NXPE2: variants seen among roughly 807,000 people sequenced by gnomAD.
NXPE2 encodes the protein NXPE family member 2.
In NXPE2, 34 loss-of-function variants were observed where a neutral mutation model predicts 34.4. The ratio of observed to expected loss-of-function variants is 0.99; its 90% CI spans 0.75 to 1.31. The LOEUF is 1.31. Among genes scored for constraint, NXPE2 ranks in the 40% most tolerant of loss-of-function variants. The pLI, the probability that NXPE2 is intolerant of heterozygous loss-of-function variation, is 0.00. For synonymous variants in NXPE2, 235 were observed against 231.3 expected (o/e 1.02, Z -0.15); for missense variants, 649 against 672.5 (o/e 0.97, Z 0.39).
At chr11:114,690,798 A>T (rs1951135338) in intron 2 of NXPE2, among the ~76,000 whole-genome samples, 1 of 151,850 alleles carries the variant, frequency 6.6e-6, no homozygotes, top group Non-Finnish European at 1.5e-5. Flanking sequence ...AATTATTTTT[A>T]TTTTTGTCTG....
chr11:114,674,090 A>AAAACAAAC (rs72440964), upstream of NXPE2, among the ~76,000 whole-genome samples: 90 of 131,886 alleles, frequency 6.8e-4, no homozygotes, highest in South Asian at 1.9e-3. Context: ...ACATTGTTTA[A>AAAACAAAC]AAACAAACAA....
the NXPE2 span, among the ~76,000 whole-genome samples, chr11:114,800,747 T>G: frequency 6.6e-6 from 1 of 152,218 alleles, no homozygotes; most frequent in Admixed American, 6.5e-5. Flanking sequence ...TTGTGTAATC[T>G]CTCTTGGTCT....
chr11:114,469,133 G>A, the NXPE2 span, among the ~76,000 whole-genome samples: 2 of 12,182 alleles, frequency 1.6e-4, no homozygotes, highest in African/African-American at 4.5e-4. Context: ...TTTTTTTTTT[G>A]AGCTGGAGTC....
At chr11:114,702,148 A>G (rs1388961805) in intron 3 of NXPE2, among the ~76,000 whole-genome samples, 1 of 152,238 alleles carries the variant, frequency 6.6e-6, no homozygotes, top group East Asian at 1.9e-4. Context: ...ATGAGGAGTT[A>G]CCATAGGAGA....
At chr11:114,712,930 G>A in the NXPE2 span, among the ~76,000 whole-genome samples, 1 of 152,174 alleles carries the variant, frequency 6.6e-6, no homozygotes, top group South Asian at 2.1e-4. Flanking sequence ...TACATACAGT[G>A]AAAAACCATG....
chr11:114,640,366 C>T, the NXPE2 span, among the ~76,000 whole-genome samples: 1 of 148,684 alleles, frequency 6.7e-6, no homozygotes, highest in African/African-American at 2.5e-5. Context: ...ATATATGCTA[C>T]TGTTTCTTTA....
At chr11:114,626,496 G>A in the NXPE2 span, among the ~76,000 whole-genome samples, 2 of 152,138 alleles carry the variant, frequency 1.3e-5, no homozygotes, top group African/African-American at 4.8e-5. Context: ...TAACAGAAAG[G>A]ACATCCACAC....
At chr11:114,629,028 C>G in the NXPE2 span, among the ~76,000 whole-genome samples, 1 of 152,000 alleles carries the variant, frequency 6.6e-6, no homozygotes, top group East Asian at 1.9e-4. Context: ...TGGCAATAAT[C>G]AATAGCTTAC....
chr11:114,677,945 T>G (rs1027996597), upstream of NXPE2, among the ~76,000 whole-genome samples: 121 of 152,204 alleles, frequency 7.9e-4, no homozygotes, highest in African/African-American at 2.6e-3. Context: ...ATTTGCTCTT[T>G]TGGATTCTCT....
At chr11:114,805,741 C>G in the NXPE2 span, among the ~76,000 whole-genome samples, 1 of 152,210 alleles carries the variant, frequency 6.6e-6, no homozygotes, top group African/African-American at 2.4e-5. Flanking sequence ...GGAGGCCTGC[C>G]TGCCTCTGTA....
the NXPE2 span, among the ~76,000 whole-genome samples, chr11:114,787,352 T>G: frequency 0.036 from 5,477 of 152,248 alleles, 196 homozygotes; most frequent in South Asian, 0.065. Context: ...GGGTGCCTGG[T>G]GCAGTTCCCT....
At chr11:114,688,476 A>T (rs1951087247) in intron 2 of NXPE2, among the ~76,000 whole-genome samples, 1 of 152,098 alleles carries the variant, frequency 6.6e-6, no homozygotes, top group Non-Finnish European at 1.5e-5. Flanking sequence ...GTGCTGCTGA[A>T]TTCAGTTTGC....
the NXPE2 span, among the ~76,000 whole-genome samples, chr11:114,624,225 A>G: frequency 1.3e-5 from 2 of 149,430 alleles, no homozygotes; most frequent in African/African-American, 4.9e-5. Flanking sequence ...TGGATGACAG[A>G]TGTTTCCTCT....
the NXPE2 span, among the ~76,000 whole-genome samples, chr11:114,765,377 C>T: frequency 3.3e-5 from 5 of 152,220 alleles, no homozygotes; most frequent in Admixed American, 6.5e-5. Context: ...AGCACGTGCT[C>T]ACTCCAAGTT....
At chr11:114,496,398 G>A in the NXPE2 span, among the ~76,000 whole-genome samples, 119 of 152,170 alleles carry the variant, frequency 7.8e-4, no homozygotes, top group African/African-American at 2.6e-3. Flanking sequence ...GGTGGCATAG[G>A]CAATTCAAGA....
At chr11:114,631,207 T>G in the NXPE2 span, among the ~76,000 whole-genome samples, 1 of 151,978 alleles carries the variant, frequency 6.6e-6, no homozygotes, top group Non-Finnish European at 1.5e-5. Flanking sequence ...CATGCTGCTA[T>G]AAAGACACAT....
At chr11:114,647,668 TTCTC>T in the NXPE2 span, among the ~76,000 whole-genome samples, 7 of 152,140 alleles carry the variant, frequency 4.6e-5, no homozygotes, top group South Asian at 4.1e-4. Flanking sequence ...TTTTGTCTCT[TTCTC>T]TCAATCAGTA....
At chr11:114,635,835 A>C in the NXPE2 span, among the ~76,000 whole-genome samples, 2 of 152,038 alleles carry the variant, frequency 1.3e-5, no homozygotes, top group Admixed American at 6.6e-5. Context: ...ATGGTGGATA[A>C]GCTTTTTGAT....
At chr11:114,623,168 G>C in the NXPE2 span, among the ~76,000 whole-genome samples, 21 of 151,934 alleles carry the variant, frequency 1.4e-4, no homozygotes, top group Admixed American at 1.2e-3. Flanking sequence ...GTTAACCGGT[G>C]GATAATAATT....
Sources: allele counts gnomAD v4.1 joint callset (sites outside exome capture counted in the v4.1 genomes callset), GRCh38; gene constraint gnomAD v4.1.1; transcripts MANE v1.5; gene names NCBI Gene and HGNC (gene_info 2026-07-23, HGNC 2026-07-21).